COL20A1: variants seen among roughly 807,000 people sequenced by gnomAD.
COL20A1 encodes the protein collagen alpha-1(XX) chain.
COL20A1 carries 164 observed loss-of-function variants against 152.9 expected under a neutral mutation model. That is an observed-to-expected ratio of 1.07 (90% CI 0.94 to 1.22). The LOEUF is 1.22. Ranked by LOEUF, COL20A1 falls within the 50% of genes most tolerant of loss-of-function variation. COL20A1 has a pLI of 0.00. For synonymous variants in COL20A1, 864 were observed against 756.0 expected (o/e 1.14, Z -2.34); for missense variants, 1,873 against 1,744.8 (o/e 1.07, Z -1.31).
intron 2 of COL20A1, among the ~76,000 whole-genome samples, 154 bp downstream of exon 2, chr20:63,295,343 G>A (rs1351033274): frequency 2.0e-5 from 3 of 152,246 alleles, no homozygotes; most frequent in Non-Finnish European, 4.4e-5. Flanking sequence ...AAGGCAAGAC[G>A]GGAGGGAGCG....
At chr20:63,315,268 G>C in intron 19 of COL20A1, 136 bp from the exon 20 acceptor site, 3 of 868,770 alleles carry the variant, frequency 3.5e-6, no homozygotes, top group Non-Finnish European at 5.5e-6. Context: ...TGGCAGATGG[G>C]ACATAGCACA....
Position 63,305,883 on chromosome 20 carries a change from G to A in COL20A1, c.340G>A (p.Glu114Lys). 1 of 1,613,068 alleles carries A rather than the reference G, an allele frequency of 6.2e-7. No individual in the cohort carries two copies. The highest frequency in any genetic ancestry group is 8.5e-7 in the Non-Finnish European group (1 of 1,179,824). Residue 114 changes from glutamate to lysine, a missense_variant and splice_region_variant, in exon 5 of 36, where the codon GAG (glutamate) becomes AAG (lysine). Coordinates refer to ENST00000358894, the MANE Select transcript of COL20A1 (RefSeq NM_020882.4). The surrounding 1 kb of genome is among the most constrained non-coding windows in gnomAD (Gnocchi z 4.9). Reference protein sequence around the residue: ...FLLARREFVIEDLKSSSLDRS... With the variant: ...FLLARREFVIKDLKSSSLDRS... ...TGGCTCTTTGTGTCTCCCTGCAGTT[G>A]AGGATCTGAAGAGTAGCTCCCTGGA...
chr20:63,334,151 A>G lies in COL20A1; in HGVS notation c.*3435A>G, dbSNP rs1033694863. On this transcript the variant is annotated 3_prime_UTR_variant, in exon 36 of 36. Coordinates refer to ENST00000358894, the MANE Select transcript of COL20A1 (RefSeq NM_020882.4). ...TGAACTGGGCCATAAGAAACCTTAC[A>G]TTCCAAAGGATCCTGCTGTTCAGAA... 2.0e-5 allele frequency: 3 copies of G among 152,232 alleles called. No homozygotes were observed. The South Asian group carries it at 6.2e-4, about 31-fold the overall frequency. The allele number at this position is 152,232 out of a possible 1,614,324, so 9.4% of individuals were successfully genotyped here. A position where few individuals can be genotyped will look rare whatever the true frequency, so the allele number is the denominator to read the frequency against.
chr20:63,313,935 T>A lies in COL20A1; in HGVS notation c.2358+44T>A. 6.3e-7 allele frequency: 1 copy of A among 1,580,642 alleles called. No individual in the cohort carries two copies. Among genetic ancestry groups the A allele is most frequent in the Non-Finnish European group, 8.6e-7 (1 of 1,163,076 alleles). On this transcript the variant is annotated intron_variant, in intron 18 of 35. Coordinates refer to ENST00000358894, the MANE Select transcript of COL20A1 (RefSeq NM_020882.4). The surrounding 1 kb of genome is among the most constrained non-coding windows in gnomAD (Gnocchi z 5.9). ...TGAGGCTGCCCCACCTCGTGGGGCCTCCTGGAAGGGGTATGGCCACACTGT... is the reference window on the plus strand; with the variant it reads ...TGAGGCTGCCCCACCTCGTGGGGCCACCTGGAAGGGGTATGGCCACACTGT...
chr20:63,321,944 C>CA, intron 26 of COL20A1, 114 bp from the exon 27 acceptor site: 21 of 756,538 alleles, frequency 2.8e-5, no homozygotes, highest in Admixed American at 3.2e-5. Flanking sequence ...CAGTCTGGGG[C>CA]TGGGTGGGGC....
At chr20:63,322,567 G>A (rs1421161667) in intron 27 of COL20A1, among the ~76,000 whole-genome samples, 1 of 152,258 alleles carries the variant, frequency 6.6e-6, no homozygotes, top group African/African-American at 2.4e-5. Context: ...CATGCGCGGC[G>A]TGCAGGGAGG....
At chr20:63,327,133 CAG>C (rs1212665185) in intron 31 of COL20A1, 7 of 317,888 alleles carry the variant, frequency 2.2e-5, no homozygotes, top group Admixed American at 5.2e-5. Flanking sequence ...GTTTACCACT[CAG>C]GGACTTTCTG....
rs766010369 is a variant in COL20A1, at chr20:63,328,518, TG to T, written c.3781+24del. On this transcript the variant is annotated intron_variant, in intron 34 of 35. Coordinates refer to ENST00000358894, the MANE Select transcript of COL20A1 (RefSeq NM_020882.4). The stretch of plus-strand genomic sequence containing the variant: ...GCAGAGGTACTGGGCTCCTGGCTCT[TG>T]GGGAGGGAGTTGTGGCCGGTGGGGG... 1.6e-5 allele frequency: 25 copies of T among 1,595,348 alleles called. No individual in the cohort carries two copies. The African/African-American group carries it at 2.6e-4, about 16-fold the overall frequency.
chr20:63,329,752 T>C (rs963712891), intron 35 of COL20A1, 91 bp downstream of exon 35: 5 of 894,698 alleles, frequency 5.6e-6, no homozygotes, highest in Non-Finnish European at 8.3e-6. Flanking sequence ...GGCCTCATGC[T>C]GTCCAGGGTG....
intron 30 of COL20A1, 26 bp downstream of exon 30, chr20:63,326,175 GACCCCC>G: frequency 6.3e-7 from 1 of 1,588,400 alleles, no homozygotes; most frequent in Non-Finnish European, 8.6e-7. Context: ...CCATGACCCC[GACCCCC>G]ACCCAGGGTT....
At chr20:63,329,423 G>A (rs905487485) in intron 34 of COL20A1, 162 bp from the exon 35 acceptor site, 6 of 620,194 alleles carry the variant, frequency 9.7e-6, no homozygotes, top group Admixed American at 2.6e-5. Flanking sequence ...TGTGGAGCAC[G>A]GGGACCTGGC....
At position 63,319,963 on chromosome 20, in the gene COL20A1, C is replaced by G. The variant is rs967964428; in HGVS notation, c.2917-76C>G. ...CCAGGGATGGGTGTTACTCCCCAGC[C>G]CTGGCCTGGCCTTGGGGGCTCAGGT... On this transcript the variant is annotated intron_variant, in intron 23 of 35. Transcript: ENST00000358894. The surrounding 1 kb of genome is among the most constrained non-coding windows in gnomAD (Gnocchi z 4.4). The G allele has an allele frequency of 1.5e-6, 2 of 1,302,354 alleles. No individual in the cohort carries two copies. Among genetic ancestry groups the G allele is most frequent in the Non-Finnish European group, 2.0e-6 (2 of 994,280 alleles). The allele number at this position is 1,302,354 out of a possible 1,614,324, so 80.7% of individuals were successfully genotyped here.
chr20:63,312,769 G>C (rs907518655), intron 15 of COL20A1, 23 bp from the exon 16 acceptor site: 5 of 1,529,980 alleles, frequency 3.3e-6, no homozygotes. Context: ...TACACCCCCA[G>C]CCTGTGTCTC....
intron 27 of COL20A1, among the ~76,000 whole-genome samples, chr20:63,322,952 G>T (rs2068187608): frequency 6.6e-6 from 1 of 152,248 alleles, no homozygotes; most frequent in Non-Finnish European, 1.5e-5. Flanking sequence ...AGAGTCCCTA[G>T]GACAGTCGCT....
rs2068147722 is a variant in COL20A1 at position 63,320,509 on chromosome 20, C to T, written c.3153+141C>T. ...CAGGGAAGGCTTTCAGAGGAGGCAGCCTCAGGGCCAGTGGATGAGCCCAGA... is the reference window on the plus strand; with the variant it reads ...CAGGGAAGGCTTTCAGAGGAGGCAGTCTCAGGGCCAGTGGATGAGCCCAGA... On this transcript the variant is annotated intron_variant, in intron 25 of 35. Transcript: ENST00000358894. 6 of 833,926 alleles carry T rather than the reference C, an allele frequency of 7.2e-6. No homozygotes were observed. In the Admixed American group the frequency reaches 1.0e-4, roughly 14 times the overall value. The allele number at this position is 833,926 out of a possible 1,614,324, so 51.7% of individuals were successfully genotyped here. A position where few individuals can be genotyped will look rare whatever the true frequency, so the allele number is the denominator to read the frequency against.
intron 35 of COL20A1, among the ~76,000 whole-genome samples, 176 bp from the exon 36 acceptor site, chr20:63,330,544 A>G (rs2068319297): frequency 6.6e-6 from 1 of 151,930 alleles, no homozygotes; most frequent in Non-Finnish European, 1.5e-5. Context: ...CCTGCCCGCA[A>G]TCCTGCCCAC....
intron 27 of COL20A1, among the ~76,000 whole-genome samples, chr20:63,323,261 G>A (rs748781017): frequency 1.3e-5 from 2 of 152,224 alleles, no homozygotes; most frequent in Non-Finnish European, 2.9e-5. Flanking sequence ...AACCAGCCCT[G>A]TGTCTGTGAT....
intron 21 of COL20A1, among the ~76,000 whole-genome samples, chr20:63,317,123 A>T (rs369836351): frequency 0.079 from 12,029 of 152,242 alleles, 529 homozygotes; most frequent in African/African-American, 0.11. Context: ...TACAGAGAAC[A>T]GTTGTTCATC....
chr20:63,312,763 C>T (rs376672931), intron 15 of COL20A1, 29 bp from the exon 16 acceptor site: 16 of 1,524,214 alleles, frequency 1.0e-5, no homozygotes, highest in Non-Finnish European at 1.4e-5. Context: ...AGGGGCTACA[C>T]CCCCAGCCTG....
Sources: allele counts gnomAD v4.1 joint callset (sites outside exome capture counted in the v4.1 genomes callset), GRCh38; gene constraint gnomAD v4.1.1; non-coding constraint Gnocchi (gnomAD v3.1); transcripts MANE v1.5; gene names NCBI Gene and HGNC (gene_info 2026-07-23, HGNC 2026-07-21).